The following ERBB4 variants were observed in gnomAD, a reference collection of about 807,000 sequenced individuals.
ERBB4 encodes the protein receptor tyrosine-protein kinase erbB-4.
A neutral mutation model predicts 158.0 loss-of-function variants in ERBB4; 42 were observed. The observed-to-expected ratio is 0.27, with a 90% confidence interval of 0.21 to 0.34. The LOEUF (loss-of-function observed/expected upper bound fraction) is 0.34, where lower values mean the gene tolerates loss of function less well. Ranked by LOEUF, ERBB4 falls within the 10% of genes least tolerant of loss-of-function variation. The probability of loss-of-function intolerance (pLI) is 1.00; values close to 1 mark genes in which losing one functional copy is unlikely to be tolerated. For synonymous variants in ERBB4, 583 were observed against 558.7 expected (o/e 1.04, Z -0.61); for missense variants, 1,333 against 1,624.1 (o/e 0.82, Z 3.08).
At chr2:211,868,314 T>C (rs1223140270) in intron 3 of ERBB4, among the ~76,000 whole-genome samples, 2 of 152,330 alleles carry the variant, frequency 1.3e-5, no homozygotes, top group South Asian at 4.1e-4. Context: ...AATTAGGAAA[T>C]TAATGAAGTT....
intron 3 of ERBB4, among the ~76,000 whole-genome samples, chr2:211,810,532 T>C (rs1301722404): frequency 6.6e-6 from 1 of 152,202 alleles, no homozygotes; most frequent in Non-Finnish European, 1.5e-5. Context: ...TTTTTTGCTT[T>C]CCATTTGCTT....
chr2:211,588,042 G>C (rs1322860957), intron 19 of ERBB4, among the ~76,000 whole-genome samples: 1 of 152,080 alleles, frequency 6.6e-6, no homozygotes, highest in Non-Finnish European at 1.5e-5. Flanking sequence ...GAATGTGACC[G>C]TTTTCTATGT....
chr2:212,070,936 T>G (rs2078097194), intron 2 of ERBB4, among the ~76,000 whole-genome samples: 2 of 151,978 alleles, frequency 1.3e-5, no homozygotes, highest in South Asian at 4.1e-4. Flanking sequence ...ATTTTCATTC[T>G]TATTATGTTT....
intron 20 of ERBB4, among the ~76,000 whole-genome samples, chr2:211,463,610 T>C (rs987029033): frequency 6.6e-6 from 1 of 152,150 alleles, no homozygotes; most frequent in African/African-American, 2.4e-5. Flanking sequence ...AGGAAGCAGC[T>C]GGGAGCAATT....
At chr2:212,161,492 G>T (rs1051800942) in intron 1 of ERBB4, among the ~76,000 whole-genome samples, 2 of 151,844 alleles carry the variant, frequency 1.3e-5, no homozygotes, top group Admixed American at 6.6e-5. Context: ...AAATGAAAGA[G>T]CAGGAAAAGT....
rs2092386969 is a variant in ERBB4 at position 212,447,915 on chromosome 2, CA to C, written c.82+90533del. On this transcript the variant is annotated intron_variant, in intron 1 of 27. Transcript: ENST00000342788. ...TCATATGCTTAGCTGAGACCTTTCA[CA>C]AAAAAAGCTCTTCAAAAATTGTCAT... is the stretch of plus-strand genomic sequence containing the variant. Among the ~76,000 whole-genome samples the C allele has an allele frequency of 2.6e-5, 4 of 151,722 alleles. No individual in the cohort carries two copies. In the South Asian group the frequency reaches 8.3e-4, roughly 32 times the overall value.
rs1035940377 is a variant in ERBB4 at position 211,514,543 on chromosome 2, G to A, written c.2487+47360C>T. 3.5e-4 allele frequency among the ~76,000 whole-genome samples: 53 copies of A among 152,226 alleles called. 1 individual carries two copies. Among genetic ancestry groups the A allele is most frequent in the Non-Finnish European group, 5.0e-4 (34 of 68,022 alleles). ...TCAATCTTCACTACTTGGAGGCTCC[G>A]TAAGGACTAATTCATTCATGCACTT... On this transcript the variant is annotated intron_variant, in intron 20 of 27. Coordinates refer to ENST00000342788, the MANE Select transcript of ERBB4 (RefSeq NM_005235.3).
rs114227282 is a variant in ERBB4, at chr2:212,089,118, A to G, written c.234+35634T>C. Among the ~76,000 whole-genome samples the G allele has an allele frequency of 7.2e-3, 1,090 of 152,316 alleles. 10 individuals carry two copies. Among genetic ancestry groups the G allele is most frequent in the Non-Finnish European group, 0.012 (787 of 68,024 alleles). ...CAAAGGAAAGCAAATAGAAAAATAC[A>G]TTAAAAGCTAATATAAGACTATATA... On this transcript the variant is annotated intron_variant, in intron 2 of 27. Transcript: ENST00000342788.
intron 2 of ERBB4, among the ~76,000 whole-genome samples, chr2:212,009,053 AG>A (rs2076320801): frequency 2.7e-3 from 3 of 1,112 alleles, no homozygotes; most frequent in Non-Finnish European, 0.01. Flanking sequence ...CAGAAATTTT[AG>A]TTATATGTTT....
chr2:211,716,765 C>T (rs2073931278), intron 7 of ERBB4, among the ~76,000 whole-genome samples: 1 of 152,062 alleles, frequency 6.6e-6, no homozygotes, highest in African/African-American at 2.4e-5. Context: ...CCCAAGAAAG[C>T]TTCAATTTGG....
At chr2:212,455,210 T>C (rs533981758) in intron 1 of ERBB4, among the ~76,000 whole-genome samples, 39 of 124,032 alleles carry the variant, frequency 3.1e-4, no homozygotes, top group African/African-American at 8.6e-4. Context: ...TTCTCCCACC[T>C]TTCCAACAAC....
intron 2 of ERBB4, among the ~76,000 whole-genome samples, chr2:211,973,167 T>C (rs2081503225): frequency 6.6e-6 from 1 of 150,510 alleles, no homozygotes; most frequent in Admixed American, 6.6e-5. Context: ...AACAATCATA[T>C]GAAAAAAGCT....
In ERBB4 at chr2:212,296,047, C is replaced by G. The variant is rs2086398603; in HGVS notation, c.83-171144G>C. On this transcript the variant is annotated intron_variant, in intron 1 of 27. Transcript: ENST00000342788. ...CCCAGGATTGATCAAGCTCTGTTGTCTTTCTGTAAGAACTTCTTGGATAAT... is the reference window on the plus strand; with the variant it reads ...CCCAGGATTGATCAAGCTCTGTTGTGTTTCTGTAAGAACTTCTTGGATAAT... 1.3e-5 allele frequency among the ~76,000 whole-genome samples: 2 copies of G among 151,972 alleles called. 1 individual carries two copies. The highest frequency in any genetic ancestry group is 2.9e-5 in the Non-Finnish European group (2 of 67,972).
At chr2:211,879,999 A>G (rs1039970708) in intron 3 of ERBB4, among the ~76,000 whole-genome samples, 1 of 150,740 alleles carries the variant, frequency 6.6e-6, no homozygotes, top group Non-Finnish European at 1.5e-5. Flanking sequence ...AAATAAATAT[A>G]TAAATAAAGC....
intron 16 of ERBB4, among the ~76,000 whole-genome samples, chr2:211,648,729 T>C (rs1559379866): frequency 1.3e-5 from 2 of 151,808 alleles, no homozygotes; most frequent in Non-Finnish European, 3.0e-5. Flanking sequence ...TCGTTACTAC[T>C]TCCAATCAAT....
At chr2:211,530,051 C>T (rs1851173) in intron 20 of ERBB4, among the ~76,000 whole-genome samples, 50,976 of 151,880 alleles carry the variant, frequency 0.34, 9,749 homozygotes, top group East Asian at 0.62. Context: ...GAAAGGAAGA[C>T]GTCAAGTTAT....
rs578162656 is a variant in ERBB4 at position 211,628,461 on chromosome 2, T to C, written c.2079+2001A>G. Among the ~76,000 whole-genome samples, 253 of 152,310 alleles carry C rather than the reference T, an allele frequency of 1.7e-3. 1 individual carries two copies. Among genetic ancestry groups the C allele is most frequent in the African/African-American group, 5.3e-3 (219 of 41,560 alleles). Reference sequence around the variant, plus strand: ...TGCGATAGTTTGCTGAGAATGATGGTTTCCAGCTTCATCCATGTCCCTACA... The same window carrying C: ...TGCGATAGTTTGCTGAGAATGATGGCTTCCAGCTTCATCCATGTCCCTACA... On this transcript the variant is annotated intron_variant, in intron 17 of 27. Coordinates refer to ENST00000342788, the MANE Select transcript of ERBB4 (RefSeq NM_005235.3).
chr2:212,476,844 A>C (rs1307223023), intron 1 of ERBB4, among the ~76,000 whole-genome samples: 2 of 152,152 alleles, frequency 1.3e-5, no homozygotes, highest in African/African-American at 4.8e-5. Context: ...TGAGCATACA[A>C]TAACTCTTGC....
chr2:211,662,270 A>T (rs1268031840), intron 15 of ERBB4, among the ~76,000 whole-genome samples: 4 of 152,014 alleles, frequency 2.6e-5, no homozygotes, highest in Non-Finnish European at 5.9e-5. Flanking sequence ...AAGTGATATT[A>T]GTGAGGAAAA....
Sources: gnomAD v4.1 joint callset for allele counts (sites outside exome capture counted in the v4.1 genomes callset) on GRCh38, gnomAD v4.1.1 for gene constraint, MANE v1.5 for transcripts, NCBI Gene and HGNC (gene_info 2026-07-23, HGNC 2026-07-21) for gene names.